NRG1: variants seen among roughly 807,000 people sequenced by gnomAD.
NRG1 encodes the protein pro-neuregulin-1, membrane-bound isoform.
A neutral mutation model predicts 63.8 loss-of-function variants in NRG1; 18 were observed. That is an observed-to-expected ratio of 0.28 (90% confidence interval 0.19 to 0.42). The LOEUF is 0.42. Among genes scored for constraint, NRG1 ranks in the 10% least tolerant of loss-of-function variants. The pLI is 1.00. For missense variants in NRG1, 762 were observed against 814.7 expected (o/e 0.94, Z 0.79); for synonymous variants, 302 against 301.3 (o/e 1.00, Z -0.02).
At chr8:31,982,337 T>G (rs954864484) in intron 1 of NRG1, among the ~76,000 whole-genome samples, 22 of 152,066 alleles carry the variant, frequency 1.4e-4, no homozygotes, top group Non-Finnish European at 2.6e-4. Context: ...CTTGCTATAA[T>G]GTATGAAACA....
chr8:31,756,832 C>T (rs1450775191), intron 1 of NRG1, among the ~76,000 whole-genome samples: 1 of 152,132 alleles, frequency 6.6e-6, no homozygotes, highest in African/African-American at 2.4e-5. Flanking sequence ...TCCATTAAGC[C>T]TGGCTTCCAT....
At chr8:32,644,656 G>T (rs747134771) in intron 5 of NRG1, among the ~76,000 whole-genome samples, 12 of 152,210 alleles carry the variant, frequency 7.9e-5, no homozygotes, top group Non-Finnish European at 1.8e-4. Flanking sequence ...CCAAAGTCTG[G>T]CTCATGTAGT....
intron 1 of NRG1, among the ~76,000 whole-genome samples, chr8:31,767,980 T>C (rs1164816810): frequency 6.6e-6 from 1 of 152,114 alleles, no homozygotes; most frequent in African/African-American, 2.4e-5. Flanking sequence ...CTTATAACAA[T>C]TGACACAAGA....
chr8:32,431,247 C>A (rs1818110111), intron 1 of NRG1, among the ~76,000 whole-genome samples: 1 of 152,102 alleles, frequency 6.6e-6, no homozygotes, highest in Non-Finnish European at 1.5e-5. Context: ...CTGTGTAATA[C>A]ATAAAGTCAC....
chr8:32,322,655 C>T (rs572076049), intron 1 of NRG1, among the ~76,000 whole-genome samples: 2 of 152,024 alleles, frequency 1.3e-5, no homozygotes, highest in African/African-American at 4.8e-5. Context: ...CCTGCAGGCT[C>T]TTGTGGTGAT....
chr8:32,546,944 G>C (rs1833136941), upstream of NRG1, among the ~76,000 whole-genome samples: 1 of 152,144 alleles, frequency 6.6e-6, no homozygotes, highest in Admixed American at 6.5e-5. Flanking sequence ...ACCGTGAGAA[G>C]GTAGTGTGTA....
chr8:32,529,900 A>G (rs1314240286), intron 1 of NRG1, among the ~76,000 whole-genome samples: 1 of 152,214 alleles, frequency 6.6e-6, no homozygotes, highest in Non-Finnish European at 1.5e-5. Flanking sequence ...AAAGAACAAT[A>G]AAAAGGATAG....
intron 1 of NRG1, among the ~76,000 whole-genome samples, chr8:31,787,044 A>G (rs1439808982): frequency 6.6e-6 from 1 of 152,114 alleles, no homozygotes; most frequent in Non-Finnish European, 1.5e-5. Context: ...GCTACCCAAG[A>G]CTGGCAGCCA....
chr8:32,682,751 A>G (rs1465549560), intron 5 of NRG1, among the ~76,000 whole-genome samples: 1 of 152,206 alleles, frequency 6.6e-6, no homozygotes, highest in Non-Finnish European at 1.5e-5. Flanking sequence ...TGTAATTTAT[A>G]GAAAATTTAT....
chr8:31,683,715 G>C (rs1808579182), intron 1 of NRG1, among the ~76,000 whole-genome samples: 1 of 152,214 alleles, frequency 6.6e-6, no homozygotes. Flanking sequence ...TAATGCTTCA[G>C]TGTAGGTTCA....
chr8:32,275,796 A>T (rs1309471591), intron 1 of NRG1, among the ~76,000 whole-genome samples: 1 of 152,086 alleles, frequency 6.6e-6, no homozygotes, highest in African/African-American at 2.4e-5. Context: ...CATTCCTACC[A>T]TGCCCCCAGA....
chr8:32,598,729 T>A (rs946926999), intron 2 of NRG1, among the ~76,000 whole-genome samples: 4 of 152,136 alleles, frequency 2.6e-5, no homozygotes, highest in African/African-American at 9.6e-5. Flanking sequence ...GGACAGCTAC[T>A]TGAGAAGCGA....
At chr8:32,481,401 G>A (rs1187556584) in intron 1 of NRG1, among the ~76,000 whole-genome samples, 1 of 152,122 alleles carries the variant, frequency 6.6e-6, no homozygotes, top group Non-Finnish European at 1.5e-5. Flanking sequence ...AAGAAAAAGA[G>A]TGACAATGCA....
chr8:31,854,769 A>C (rs1358089303), intron 1 of NRG1, among the ~76,000 whole-genome samples: 4 of 151,554 alleles, frequency 2.6e-5, no homozygotes, highest in African/African-American at 7.3e-5. Context: ...ATTTCCCTCT[A>C]CACACTGCTT....
intron 1 of NRG1, among the ~76,000 whole-genome samples, chr8:32,351,002 C>G (rs1220049034): frequency 6.6e-6 from 1 of 152,084 alleles, no homozygotes; most frequent in East Asian, 1.9e-4. Context: ...CTTTCCATTC[C>G]CACCTCCCCT....
intron 1 of NRG1, among the ~76,000 whole-genome samples, chr8:31,746,089 T>C (rs1325074374): frequency 5.3e-5 from 8 of 151,794 alleles, no homozygotes; most frequent in African/African-American, 1.9e-4. Flanking sequence ...TTTTTTTTTC[T>C]GAACTAACTC....
intron 1 of NRG1, among the ~76,000 whole-genome samples, chr8:32,376,919 G>C (rs910377877): frequency 6.6e-6 from 1 of 152,186 alleles, no homozygotes; most frequent in African/African-American, 2.4e-5. Flanking sequence ...AGTTTAACAA[G>C]GAGCCCATTT....
chr8:32,608,796 G>C (rs1374077770), intron 3 of NRG1, among the ~76,000 whole-genome samples: 1 of 151,976 alleles, frequency 6.6e-6, no homozygotes, highest in Non-Finnish European at 1.5e-5. Context: ...TTCAGACTCC[G>C]CCTCTTTATA....
intron 1 of NRG1, among the ~76,000 whole-genome samples, chr8:32,161,141 C>T (rs931907074): frequency 6.6e-5 from 10 of 152,070 alleles, no homozygotes; most frequent in African/African-American, 2.4e-4. Context: ...CTAGCCCCAC[C>T]CCTCATTCCC....
Sources: gnomAD v4.1 joint callset for allele counts (sites outside exome capture counted in the v4.1 genomes callset) on GRCh38, gnomAD v4.1.1 for gene constraint, MANE v1.5 for transcripts, NCBI Gene and HGNC (gene_info 2026-07-23, HGNC 2026-07-21) for gene names.